The following GPAA1 variants were observed in gnomAD, a reference collection of about 807,000 sequenced individuals.
The protein encoded by GPAA1 is GPI-anchor transamidase component GPAA1.
GPAA1 carries 54 observed loss-of-function variants against 64.0 expected under a neutral mutation model. The observed-to-expected ratio is 0.84, with a 90% CI of 0.68 to 1.06. GPAA1 has a LOEUF of 1.06. Among genes scored for constraint, GPAA1 ranks in the 50% least tolerant of loss-of-function variants. The probability of loss-of-function intolerance (pLI) is 0.00; values close to 1 mark genes in which losing one functional copy is unlikely to be tolerated. For missense variants in GPAA1, 780 were observed against 822.3 expected (o/e 0.95, Z 0.63); for synonymous variants, 393 against 377.3 (o/e 1.04, Z -0.48).
In GPAA1 at chr8:144,085,091, G is replaced by A. The variant is rs782698614; in HGVS notation, c.1213G>A (p.Glu405Lys). The A allele has an allele frequency of 6.2e-7, 1 of 1,609,956 alleles. No homozygotes were observed. Among genetic ancestry groups the A allele is most frequent in the South Asian group, 1.1e-5 (1 of 90,646 alleles). Residue 405 changes from glutamate (E) to lysine (K), a missense_variant, in exon 9 of 12, where the codon GAG (glutamate) becomes AAG (lysine). Transcript: ENST00000355091. ...QLHEAGMGLEEPGGAPGPSVP... is the reference protein window; with the variant it reads ...QLHEAGMGLEKPGGAPGPSVP... ...GCATGAGGCTGGAATGGGCCTTGAG[G>A]AGCCCGGGGGTGCCCCTGGCCCCAG...
Position 144,083,921 on chromosome 8 carries a change from C to T in GPAA1, c.515-18C>T, listed in dbSNP as rs1554763933. 57 of 1,613,006 alleles carry T rather than the reference C, an allele frequency of 3.5e-5. No individual in the cohort carries two copies. The highest frequency in any genetic ancestry group is 4.7e-5 in the Non-Finnish European group (56 of 1,179,354). On this transcript the variant is annotated intron_variant, in intron 4 of 11. Transcript: ENST00000355091. ...GGTCAGTGCCCCAGACCCTGCTGAT[C>T]CTGCTTCTGGCCTCCAGGGCAGATT... is the stretch of plus-strand genomic sequence containing the variant.
chr8:144,084,526 C>T lies in GPAA1; in HGVS notation c.927C>T (p.Phe309=), dbSNP rs1391311710. ...SGRPHGSHGL[F]LRYRVEALTL... is the part of the protein sequence containing the mutation. ...GCCCCCACGGCTCCCATGGCCTCTT[C>T]CTGCGCTACCGTGTGGAGGCCCTAA... Residue 309 remains phenylalanine (F), a synonymous_variant, in exon 7 of 12, where the codon TTC becomes TTT. Transcript: ENST00000355091. 7 of 1,613,704 alleles carry T rather than the reference C, an allele frequency of 4.3e-6. No individual in the cohort carries two copies. In the African/African-American group the frequency reaches 5.3e-5, roughly 12 times the overall value.
chr8:144,086,030 G>A lies in GPAA1; in HGVS notation c.1771G>A (p.Glu591Lys), dbSNP rs782451651. ...FLAALAQGVL[E>K]HHTYGALLFP... ...GGCAGCGCTAGCCCAGGGTGTGCTG[G>A]AGCACCACACCTACGGCGCCCTGCT... Residue 591 changes from glutamate (E) to lysine (K), a missense_variant, in exon 12 of 12, where the codon GAG (glutamate) becomes AAG (lysine). Glu to Lys is a moderately conservative substitution (Grantham distance 56). Coordinates refer to ENST00000355091, the MANE Select transcript of GPAA1 (RefSeq NM_003801.4). 1.7e-5 allele frequency: 28 copies of A among 1,612,324 alleles called. No homozygotes were observed. Among genetic ancestry groups the A allele is most frequent in the Non-Finnish European group, 2.3e-5 (27 of 1,179,938 alleles).
chr8:144,086,064 T>G lies in GPAA1; in HGVS notation c.1805T>G (p.Leu602Arg). The stretch of plus-strand genomic sequence containing the variant: ...ACCTACGGCGCCCTGCTCTTCCCAC[T>G]GCTGTCCCTGGGCCTCTACCCCTGC... The part of the protein sequence containing the change: ...HHTYGALLFP[L>R]LSLGLYPCWL... Residue 602 changes from leucine to arginine, a missense_variant, in exon 12 of 12, where the codon CTG (leucine) becomes CGG (arginine). Leu to Arg is a moderately radical substitution (Grantham distance 102). Coordinates refer to ENST00000355091, the MANE Select transcript of GPAA1 (RefSeq NM_003801.4). 1 of 1,613,480 alleles carries G rather than the reference T, an allele frequency of 6.2e-7. No individual in the cohort carries two copies. Among genetic ancestry groups the G allele is most frequent in the Non-Finnish European group, 8.5e-7 (1 of 1,179,900 alleles).
At chr8:144,085,255 A>C (rs368673451) in intron 9 of GPAA1, 34 bp from the exon 10 acceptor site, 4 of 1,558,228 alleles carry the variant, frequency 2.6e-6, no homozygotes, top group Non-Finnish European at 3.5e-6. Flanking sequence ...CCCTGGCCCC[A>C]GGGTCCATCT....
At chr8:144,083,064 C>T (rs1293231986) in intron 1 of GPAA1, 60 bp from the exon 2 acceptor site, 11 of 1,485,026 alleles carry the variant, frequency 7.4e-6, no homozygotes, top group Non-Finnish European at 1.0e-5. Context: ...GAGGTTGTGG[C>T]CTCGGGTCGG....
rs183427586 is a variant in GPAA1, at chr8:144,084,568, T to C, written c.969T>C (p.Asn323=). Residue 323 remains asparagine, a synonymous_variant, in exon 7 of 12, where the codon AAT becomes AAC. Transcript: ENST00000355091. The part of the protein sequence containing the change: ...RVEALTLRGI[N]SFRQYKYDLV... The stretch of plus-strand genomic sequence containing the variant: ...AGGCCCTAACCCTGCGTGGCATCAA[T>C]AGCTTCCGCCAGTACAAGTATGACC... 3.9e-5 allele frequency: 63 copies of C among 1,613,854 alleles called. No individual in the cohort carries two copies. The Middle Eastern group carries it at 9.9e-4, about 25-fold the overall frequency.
At position 144,083,421 on chromosome 8, in the gene GPAA1, T is replaced by C; in HGVS notation, c.287T>C (p.Met96Thr). The part of the protein sequence containing the change: ...ALPVAWLERT[M>T]RSVGLEVYTQ... The stretch of plus-strand genomic sequence containing the variant: ...CCAGTGGCCTGGCTTGAACGGACGA[T>C]GCGGTCAGTAGGGCTGGAGGTCTAC... The change falls in exon 3 of 12, where the codon ATG becomes ACG. Residue 96 changes from methionine to threonine, a missense_variant. Physicochemically the swap from Met to Thr is moderately conservative, Grantham distance 81. Transcript: ENST00000355091. 6.2e-7 allele frequency: 1 copy of C among 1,613,560 alleles called. No individual in the cohort carries two copies. Among genetic ancestry groups the C allele is most frequent in the Non-Finnish European group, 8.5e-7 (1 of 1,179,916 alleles).
At position 144,085,999 on chromosome 8, in the gene GPAA1, C is replaced by A. The variant is rs528572635; in HGVS notation, c.1740C>A (p.Leu580=). The change falls in exon 12 of 12, where the codon CTC becomes CTA. Residue 580 remains leucine (L), a synonymous_variant. Transcript: ENST00000355091. ...TGTCACTGGCCGAGGGCTGGCAGCT[C>A]TTCCTGGCAGCGCTAGCCCAGGGTG... ...APLSLAEGWQ[L]FLAALAQGVL... The A allele has an allele frequency of 6.2e-7, 1 of 1,610,054 alleles. No homozygotes were observed. Among genetic ancestry groups the A allele is most frequent in the African/African-American group, 1.3e-5 (1 of 74,926 alleles).
In GPAA1 at chr8:144,085,729, G is replaced by A. The variant is rs1835986144; in HGVS notation, c.1608G>A (p.Lys536=). ...TGGTGCCCACTGCTGCGCTTGCCAA[G>A]CCTCATGGGCCCCGGTATGTATGGA... ...TTMVPTAALA[K]PHGPRTLYAA... Residue 536 remains lysine (K), a synonymous_variant, in exon 11 of 12, where the codon AAG becomes AAA. Coordinates refer to ENST00000355091, the MANE Select transcript of GPAA1 (RefSeq NM_003801.4). The A allele has an allele frequency of 3.7e-6, 6 of 1,612,578 alleles. No homozygotes were observed. In the South Asian group the frequency reaches 4.4e-5, roughly 12 times the overall value.
At chr8:144,082,922 C>A in intron 1 of GPAA1, 118 bp downstream of exon 1, 1 of 953,774 alleles carries the variant, frequency 1.0e-6, no homozygotes, top group Non-Finnish European at 1.5e-6. Flanking sequence ...CCTCCGGCTG[C>A]TCGCGCCCTT....
In GPAA1 at chr8:144,085,362, C is replaced by T. The variant is rs1368534383; in HGVS notation, c.1334C>T (p.Pro445Leu). 6.2e-7 allele frequency: 1 copy of T among 1,609,742 alleles called. No homozygotes were observed. The highest frequency in any genetic ancestry group is 1.7e-5 in the Admixed American group (1 of 59,958). Reference protein sequence around the residue: ...QAMGLALYVLPVLGQHVATQH... With the variant: ...QAMGLALYVLLVLGQHVATQH... ...ATGGGACTGGCCCTCTATGTCCTGC[C>T]AGTGCTGGGCCAACACGTTGCCACC... Residue 445 changes from proline (P) to leucine (L), a missense_variant, in exon 10 of 12, where the codon CCA becomes CTA. Transcript: ENST00000355091.
rs1191783169 is a variant in GPAA1, at chr8:144,084,480, T to C, written c.881T>C (p.Val294Ala). The C allele has an allele frequency of 1.9e-6, 3 of 1,613,358 alleles. No individual in the cohort carries two copies. Among genetic ancestry groups the C allele is most frequent in the Non-Finnish European group, 2.5e-6 (3 of 1,179,960 alleles). The stretch of plus-strand genomic sequence containing the variant: ...GGCCTGCAGACACTGCTGCTCATGG[T>C]TCTGCGGCAGGCCTCCGGCCGCCCC... Reference protein sequence around the residue: ...LQGLQTLLLMVLRQASGRPHG... With the variant: ...LQGLQTLLLMALRQASGRPHG... The change falls in exon 7 of 12, where the codon GTT (valine) becomes GCT (alanine). Residue 294 changes from valine to alanine, a missense_variant. Physicochemically the swap from Val to Ala is moderately conservative, Grantham distance 64. Coordinates refer to ENST00000355091, the MANE Select transcript of GPAA1 (RefSeq NM_003801.4).
intron 8 of GPAA1, 51 bp from the exon 9 acceptor site, chr8:144,084,992 C>G (rs371323778): frequency 7.2e-5 from 113 of 1,566,374 alleles, no homozygotes; most frequent in Non-Finnish European, 9.6e-5. Flanking sequence ...CCTGGGTCCC[C>G]CTCTGGGCAG....
rs782693525 is a variant in GPAA1 at position 144,085,038 on chromosome 8, G to A, written c.1165-5G>A. 5 of 1,605,034 alleles carry A rather than the reference G, an allele frequency of 3.1e-6. No individual in the cohort carries two copies. The African/African-American group carries it at 6.7e-5, about 22-fold the overall frequency. On this transcript the variant is annotated splice_polypyrimidine_tract_variant and splice_region_variant and intron_variant, in intron 8 of 11. Coordinates refer to ENST00000355091, the MANE Select transcript of GPAA1 (RefSeq NM_003801.4). Reference sequence around the variant, plus strand: ...ACCTCTTGTTGGGGTCCTTGATTGGGCTACGCTCTGGAACTGTGGATGCAG... The same window carrying A: ...ACCTCTTGTTGGGGTCCTTGATTGGACTACGCTCTGGAACTGTGGATGCAG...
Position 144,084,847 on chromosome 8 carries a change from G to T in GPAA1, c.1136G>T (p.Gly379Val). The part of the protein sequence containing the change: ...VSIGLYMPAV[G>V]FLLLVLGLKA... ...ATCGGCCTCTACATGCCCGCTGTCG[G>T]CTTCTTGCTCCTGGTCCTTGGTCTC... Residue 379 changes from glycine to valine, a missense_variant, in exon 8 of 12, where the codon GGC becomes GTC. Gly to Val is a moderately radical substitution (Grantham distance 109). Coordinates refer to ENST00000355091, the MANE Select transcript of GPAA1 (RefSeq NM_003801.4). 6.2e-7 allele frequency: 1 copy of T among 1,613,570 alleles called. No individual in the cohort carries two copies. The highest frequency in any genetic ancestry group is 1.1e-5 in the South Asian group (1 of 91,086).
At chr8:144,084,900 C>T in intron 8 of GPAA1, 25 bp downstream of exon 8, 3 of 1,612,118 alleles carry the variant, frequency 1.9e-6, no homozygotes, top group South Asian at 2.2e-5. Context: ...TTGCCATCTA[C>T]CTGTGACCAG....
Position 144,086,187 on chromosome 8 carries a change from G to A in GPAA1, c.*62G>A, listed in dbSNP as rs557791762. 1.6e-5 allele frequency: 25 copies of A among 1,543,538 alleles called. No individual in the cohort carries two copies. Among genetic ancestry groups the A allele is most frequent in the South Asian group, 6.8e-5 (6 of 87,906 alleles). ...GGACCCCATTCTGCCTCCTTCTGGG[G>A]AAATAAATGAGTGTCTGTTTCAGCA... is the stretch of plus-strand genomic sequence containing the variant. On this transcript the variant is annotated 3_prime_UTR_variant, in exon 12 of 12. Coordinates refer to ENST00000355091, the MANE Select transcript of GPAA1 (RefSeq NM_003801.4).
chr8:144,084,092 T>C, intron 5 of GPAA1, 42 bp from the exon 6 acceptor site: 2 of 1,609,478 alleles, frequency 1.2e-6, no homozygotes, highest in Non-Finnish European at 8.5e-7. Flanking sequence ...GTCACTGTCC[T>C]CACCACGTCC....
Sources: allele counts gnomAD v4.1 joint callset, GRCh38; gene constraint gnomAD v4.1.1; transcripts MANE v1.5; gene names NCBI Gene and HGNC (gene_info 2026-07-23, HGNC 2026-07-21).